Variants in VAV2 observed in about 807,000 individuals in gnomAD.
The protein encoded by VAV2 is vav guanine nucleotide exchange factor 2.
A neutral mutation model predicts 132.5 loss-of-function variants in VAV2; 67 were observed. The ratio of observed to expected loss-of-function variants is 0.51; its 90% CI spans 0.42 to 0.62. The LOEUF (loss-of-function observed/expected upper bound fraction) is 0.62, where lower values mean the gene tolerates loss of function less well. Among genes scored for constraint, VAV2 ranks in the 20% least tolerant of loss-of-function variants. The pLI is 0.00. For missense variants in VAV2, 938 were observed against 1,153.6 expected (o/e 0.81, Z 2.71); for synonymous variants, 492 against 443.5 (o/e 1.11, Z -1.37).
In VAV2 at chr9:133,979,515, C is replaced by G. The variant is rs73662359; in HGVS notation, c.204+12560G>C. On this transcript the variant is annotated intron_variant, in intron 1 of 29. Coordinates refer to ENST00000371850, the MANE Select transcript of VAV2 (RefSeq NM_001134398.2). Reference sequence around the variant, plus strand: ...GGAAGGAGCGGACGCCGCAGCCGTCCGGAACTCGGACAGAGGATGTTGACA... The same window carrying G: ...GGAAGGAGCGGACGCCGCAGCCGTCGGGAACTCGGACAGAGGATGTTGACA... Among the ~76,000 whole-genome samples the G allele has an allele frequency of 4.8e-3, 727 of 152,296 alleles. 5 individuals are homozygous for G. The highest frequency in any genetic ancestry group is 0.016 in the African/African-American group (671 of 41,568).
At position 133,919,759 on chromosome 9, in the gene VAV2, G is replaced by C. The variant is rs10125207; in HGVS notation, c.321+19344C>G. ...GTCTCAGGGGAGCAACACAAACAGC[G>C]CATTCTTGGCATCCGTGAGGCAGAG... On this transcript the variant is annotated intron_variant, in intron 2 of 29. Transcript: ENST00000371850. The surrounding 1 kb of genome is among the most constrained non-coding windows in gnomAD (Gnocchi z 5.8). Among the ~76,000 whole-genome samples, 4 of 152,076 alleles carry C rather than the reference G, an allele frequency of 2.6e-5. No homozygotes were observed. The highest frequency in any genetic ancestry group is 1.3e-4 in the Admixed American group (2 of 15,268).
At chr9:133,983,187 C>A (rs752775654) in intron 1 of VAV2, among the ~76,000 whole-genome samples, 1 of 152,142 alleles carries the variant, frequency 6.6e-6, no homozygotes, top group African/African-American at 2.4e-5. Flanking sequence ...CAACGCTGTC[C>A]CTGTCCTGGG....
chr9:133,854,329 A>G (rs999935412), intron 3 of VAV2, among the ~76,000 whole-genome samples: 1 of 152,204 alleles, frequency 6.6e-6, no homozygotes, highest in Non-Finnish European at 1.5e-5. Flanking sequence ...CCATGTGCAC[A>G]TGTACATACA....
chr9:133,788,232 A>ACCCCCCCCCCCC lies in VAV2; in HGVS notation c.1407+121_1407+122insGGGGGGGGGGGG. ...CTGCAGAGCGGAGACGCCCACCCCA[A>ACCCCCCCCCCCC]CCCACCCGGCCAGCATCAGCGGCTG... On this transcript the variant is annotated intron_variant, in intron 15 of 29. Coordinates refer to ENST00000371850, the MANE Select transcript of VAV2 (RefSeq NM_001134398.2). This position sits in a 1 kb window ranked among gnomAD's most constrained non-coding sequence, Gnocchi z 5.3. 1 of 615,290 alleles carries ACCCCCCCCCCCC rather than the reference A, an allele frequency of 1.6e-6. No homozygotes were observed. Among genetic ancestry groups the ACCCCCCCCCCCC allele is most frequent in the African/African-American group, 1.9e-5 (1 of 52,938 alleles). 38.1% of individuals were successfully genotyped at this position (615,290 alleles called of 1,614,324 possible). A position where few individuals can be genotyped will look rare whatever the true frequency, so the allele number is the denominator to read the frequency against.
At chr9:133,774,291 G>A (rs146576713) in intron 25 of VAV2, among the ~76,000 whole-genome samples, 360 of 152,310 alleles carry the variant, frequency 2.4e-3, no homozygotes, top group African/African-American at 8.3e-3. Context: ...CCCAGCTCCT[G>A]GTCGGCAAGG....
chr9:133,841,722 T>C (rs1836731111), intron 3 of VAV2, among the ~76,000 whole-genome samples: 1 of 152,206 alleles, frequency 6.6e-6, no homozygotes, highest in African/African-American at 2.4e-5. Context: ...GTAATGGGTC[T>C]GGGTTCAAGC....
chr9:133,871,608 C>G (rs564509597), intron 2 of VAV2, among the ~76,000 whole-genome samples: 3 of 152,080 alleles, frequency 2.0e-5, no homozygotes, highest in African/African-American at 7.3e-5. Context: ...GAGCCCCTGA[C>G]GGCAGCCTCA....
chr9:133,822,153 G>A (rs373154298), intron 4 of VAV2, among the ~76,000 whole-genome samples: 19 of 145,166 alleles, frequency 1.3e-4, no homozygotes, highest in East Asian at 3.9e-4. Context: ...TGCCCCCGCC[G>A]CCCACAGAAA....
intron 11 of VAV2, 49 bp downstream of exon 11, chr9:133,796,380 T>C (rs766005815): frequency 3.2e-6 from 5 of 1,551,306 alleles, no homozygotes; most frequent in Non-Finnish European, 4.4e-6. Context: ...AGCCCTCATC[T>C]GACTCCAGCA....
rs866028871 is a variant in VAV2, at chr9:133,939,707, T to C, written c.205-488A>G. On this transcript the variant is annotated intron_variant, in intron 1 of 29. Transcript: ENST00000371850. ...CAAGAATGGATGGCGCATGCTCACG[T>C]GGGCACGTGCACAGGCGTGCGTACA... Among the ~76,000 whole-genome samples, 5 of 152,376 alleles carry C rather than the reference T, an allele frequency of 3.3e-5. 1 individual carries two copies. The highest frequency in any genetic ancestry group is 6.8e-3 in the Middle Eastern group (2 of 294).
At position 133,783,876 on chromosome 9, in the gene VAV2, CGTT is replaced by C. The variant is rs398046931; in HGVS notation, c.1635-288_1635-286del. Among the ~76,000 whole-genome samples the C allele has an allele frequency of 1.7e-3, 213 of 124,996 alleles. 15 individuals are homozygous for C. The highest frequency in any genetic ancestry group is 4.3e-3 in the African/African-American group (139 of 32,630). 82.0% of individuals were successfully genotyped at this position (124,996 alleles called of 152,430 possible). On this transcript the variant is annotated intron_variant, in intron 18 of 29. Transcript: ENST00000371850. ...TGAAACTCTAAGGGCTTGGCTGGGC[CGTT>C]TTTTTTTTTTTTTTTTTTGGAGACA... is the stretch of plus-strand genomic sequence containing the variant.
chr9:133,780,764 C>A, intron 19 of VAV2, 54 bp from the exon 20 acceptor site: 1 of 1,258,296 alleles, frequency 7.9e-7, no homozygotes, highest in Non-Finnish European at 1.0e-6. Flanking sequence ...GCCAAGGCCC[C>A]GTGCAGCTCT....
chr9:133,829,464 C>T (rs1369536370), intron 4 of VAV2, among the ~76,000 whole-genome samples: 2 of 152,230 alleles, frequency 1.3e-5, no homozygotes, highest in African/African-American at 2.4e-5. Context: ...TGTGGCTGTC[C>T]GGCTCACAAC....
chr9:133,871,253 T>C (rs1281123686), intron 2 of VAV2, among the ~76,000 whole-genome samples: 3 of 140,236 alleles, frequency 2.1e-5, no homozygotes, highest in African/African-American at 8.4e-5. Flanking sequence ...GATGGATGGA[T>C]GGACAGATGG....
intron 2 of VAV2, among the ~76,000 whole-genome samples, chr9:133,934,399 G>A (rs1840828061): frequency 6.6e-6 from 1 of 152,242 alleles, no homozygotes; most frequent in South Asian, 2.1e-4. Context: ...AGGAACACCT[G>A]GAGAACCGGG....
At chr9:133,803,702 G>A (rs56391945) in intron 9 of VAV2, among the ~76,000 whole-genome samples, 7,559 of 152,248 alleles carry the variant, frequency 0.05, 299 homozygotes, top group African/African-American at 0.11. Flanking sequence ...ATGCCACACC[G>A]GAATGCTACT....
intron 3 of VAV2, among the ~76,000 whole-genome samples, chr9:133,858,598 GCTA>G (rs1564411617): frequency 6.6e-6 from 1 of 152,188 alleles, no homozygotes; most frequent in African/African-American, 2.4e-5. Context: ...CACACACCCT[GCTA>G]CTGTCACTGA....
intron 3 of VAV2, among the ~76,000 whole-genome samples, chr9:133,856,067 G>GT: frequency 6.6e-6 from 1 of 152,302 alleles, no homozygotes; most frequent in East Asian, 1.9e-4. Context: ...GGCACGCACC[G>GT]TATGATTCCA....
At chr9:133,984,979 T>C (rs1842805150) in intron 1 of VAV2, among the ~76,000 whole-genome samples, 1 of 152,190 alleles carries the variant, frequency 6.6e-6, no homozygotes. Context: ...TTTTTGCTTT[T>C]TTATTGCAGC....
Sources: gnomAD v4.1 joint callset for allele counts (sites outside exome capture counted in the v4.1 genomes callset) on GRCh38, gnomAD v4.1.1 for gene constraint, Gnocchi (gnomAD v3.1) non-coding constraint, MANE v1.5 for transcripts, NCBI Gene and HGNC (gene_info 2026-07-23, HGNC 2026-07-21) for gene names.